The following KLHL32 variants were observed in gnomAD, a reference collection of about 807,000 sequenced individuals.
KLHL32 encodes kelch-like protein 32.
KLHL32 carries 35 observed loss-of-function variants against 64.8 expected under a neutral mutation model. The observed-to-expected ratio is 0.54, with a 90% CI of 0.41 to 0.72. The LOEUF (loss-of-function observed/expected upper bound fraction) is 0.72, where lower values mean the gene tolerates loss of function less well. Ranked by LOEUF, KLHL32 falls within the 30% of genes least tolerant of loss-of-function variation. The pLI, the probability that KLHL32 is intolerant of heterozygous loss-of-function variation, is 0.00. For missense variants in KLHL32, 589 were observed against 768.5 expected (o/e 0.77, Z 2.76); for synonymous variants, 259 against 281.0 (o/e 0.92, Z 0.78).
At chr6:97,025,727 C>T (rs1782631050) in intron 3 of KLHL32, among the ~76,000 whole-genome samples, 1 of 152,184 alleles carries the variant, frequency 6.6e-6, no homozygotes, top group African/African-American at 2.4e-5. Flanking sequence ...GGCATGGGTT[C>T]AAGTCCCGAC....
intron 5 of KLHL32, among the ~76,000 whole-genome samples, chr6:97,078,661 G>A (rs560804369): frequency 1.1e-4 from 17 of 152,056 alleles, no homozygotes; most frequent in African/African-American, 3.6e-4. Flanking sequence ...TCTTTCACAC[G>A]TCAGTGGCAT....
At chr6:96,899,625 T>C in the KLHL32 span, among the ~76,000 whole-genome samples, 12 of 152,252 alleles carry the variant, frequency 7.9e-5, no homozygotes, top group African/African-American at 2.7e-4. Flanking sequence ...GGCCCAGTGC[T>C]GCTCAGGCCC....
intron 1 of KLHL32, among the ~76,000 whole-genome samples, chr6:96,945,589 G>T (rs1376272321): frequency 6.6e-6 from 1 of 152,150 alleles, no homozygotes; most frequent in Non-Finnish European, 1.5e-5. Context: ...CTTTAAAAAG[G>T]GTAGGAAAAA....
chr6:97,083,740 T>G (rs1240809269), intron 5 of KLHL32, among the ~76,000 whole-genome samples: 6 of 152,230 alleles, frequency 3.9e-5, no homozygotes, highest in Non-Finnish European at 8.8e-5. Flanking sequence ...CATTTATTAC[T>G]TTTTATAACT....
At chr6:96,929,942 A>C (rs929239132) in intron 1 of KLHL32, among the ~76,000 whole-genome samples, 3 of 152,224 alleles carry the variant, frequency 2.0e-5, no homozygotes, top group Admixed American at 2.0e-4. Flanking sequence ...AATGAAGAAG[A>C]AATGTCTTTG....
intron 1 of KLHL32, among the ~76,000 whole-genome samples, chr6:96,926,548 GGGAAGCCCTTTCT>G (rs1769187352): frequency 6.6e-6 from 1 of 152,186 alleles, no homozygotes; most frequent in Non-Finnish European, 1.5e-5. Flanking sequence ...CTAGTGAATG[GGGAAGCCCTTTCT>G]GGATCCAGTC....
intron 3 of KLHL32, among the ~76,000 whole-genome samples, chr6:97,030,140 C>T (rs1783322221): frequency 1.3e-5 from 2 of 152,146 alleles, no homozygotes; most frequent in Admixed American, 1.3e-4. Context: ...TGCCTGTGTT[C>T]AGAGTAACTC....
intron 5 of KLHL32, among the ~76,000 whole-genome samples, chr6:97,065,169 G>T (rs149500230): frequency 6.6e-6 from 1 of 152,190 alleles, no homozygotes; most frequent in African/African-American, 2.4e-5. Flanking sequence ...TAATTACCAT[G>T]TGAACTTCCC....
At chr6:97,039,105 A>AG (rs55714154) in intron 3 of KLHL32, among the ~76,000 whole-genome samples, 1 of 151,192 alleles carries the variant, frequency 6.6e-6, no homozygotes. Context: ...AAAAAAAAAA[A>AG]GAAAAAAAGA....
At chr6:97,054,904 G>A (rs1031047532) in intron 4 of KLHL32, among the ~76,000 whole-genome samples, 5 of 151,894 alleles carry the variant, frequency 3.3e-5, no homozygotes, top group Non-Finnish European at 7.4e-5. Flanking sequence ...GTGCCACTGC[G>A]CCCCAGCCTG....
chr6:96,999,538 G>A, intron 3 of KLHL32: 1 of 979,498 alleles, frequency 1.0e-6, no homozygotes, highest in South Asian at 4.7e-5. Flanking sequence ...ATTCCTGACA[G>A]TATAAAAAGG....
chr6:96,945,718 G>A (rs992730193), intron 1 of KLHL32, among the ~76,000 whole-genome samples: 1 of 152,210 alleles, frequency 6.6e-6, no homozygotes, highest in Admixed American at 6.5e-5. Flanking sequence ...TTCTTGGGCA[G>A]TGTCTTCTTC....
intron 5 of KLHL32, among the ~76,000 whole-genome samples, chr6:97,076,087 T>C (rs965926391): frequency 6.6e-6 from 1 of 152,174 alleles, no homozygotes; most frequent in African/African-American, 2.4e-5. Flanking sequence ...ATGAGTAATA[T>C]AGAGCTTGAG....
chr6:96,986,677 C>T (rs575654219), intron 3 of KLHL32, among the ~76,000 whole-genome samples: 26 of 152,316 alleles, frequency 1.7e-4, no homozygotes, highest in Non-Finnish European at 3.4e-4. Flanking sequence ...AAGCAATGCA[C>T]GGGATATAAT....
intron 1 of KLHL32, among the ~76,000 whole-genome samples, chr6:96,946,809 T>C (rs192328937): frequency 6.6e-6 from 1 of 152,282 alleles, no homozygotes; most frequent in East Asian, 1.9e-4. Context: ...ATTGGCTGAT[T>C]GTTTTATACT....
At chr6:97,023,573 C>T (rs1782304503) in intron 3 of KLHL32, among the ~76,000 whole-genome samples, 1 of 152,114 alleles carries the variant, frequency 6.6e-6, no homozygotes, top group Non-Finnish European at 1.5e-5. Flanking sequence ...ATTTAAAATC[C>T]AGGGCAACAA....
intron 7 of KLHL32, among the ~76,000 whole-genome samples, chr6:97,125,643 C>T (rs887852569): frequency 6.6e-6 from 1 of 152,084 alleles, no homozygotes; most frequent in Non-Finnish European, 1.5e-5. Context: ...ATTTTGGTCT[C>T]TGTGATTAGG....
intron 3 of KLHL32, among the ~76,000 whole-genome samples, chr6:97,018,735 G>C (rs1781585763): frequency 6.6e-6 from 1 of 152,118 alleles, no homozygotes; most frequent in African/African-American, 2.4e-5. Flanking sequence ...AAGATGAACA[G>C]AATTGGAAGG....
chr6:96,987,897 C>T (rs1335588721), intron 3 of KLHL32, among the ~76,000 whole-genome samples: 50 of 152,132 alleles, frequency 3.3e-4, no homozygotes, highest in Non-Finnish European at 5.9e-4. Context: ...ACTGGCTAGC[C>T]ATATGTAGAA....
Sources: allele counts gnomAD v4.1 joint callset (sites outside exome capture counted in the v4.1 genomes callset), GRCh38; gene constraint gnomAD v4.1.1; transcripts MANE v1.5; gene names NCBI Gene and HGNC (gene_info 2026-07-23, HGNC 2026-07-21).